The following MACF1 variants were observed in gnomAD, a reference collection of about 807,000 sequenced individuals.
MACF1 encodes the protein microtubule actin crosslinking factor 1, also known as microtubule-actin cross-linking factor 1.
In MACF1, 193 loss-of-function variants were observed where a neutral mutation model predicts 854.8. The ratio of observed to expected loss-of-function variants is 0.23; its 90% CI spans 0.20 to 0.25. The LOEUF (loss-of-function observed/expected upper bound fraction) is 0.25. Ranked by LOEUF, MACF1 falls within the 10% of genes least tolerant of loss-of-function variation. MACF1 has a pLI of 1.00. For synonymous variants in MACF1, 3,185 were observed against 3,226.7 expected (o/e 0.99, Z 0.44); for missense variants, 7,722 against 8,929.1 (o/e 0.86, Z 5.45).
intron 97 of MACF1, among the ~76,000 whole-genome samples, chr1:39,474,964 G>A (rs1364496189): frequency 6.6e-6 from 1 of 152,180 alleles, no homozygotes; most frequent in East Asian, 1.9e-4. Flanking sequence ...GTAGTCCCAT[G>A]GGACTGCAGC....
intron 6 of MACF1, among the ~76,000 whole-genome samples, chr1:39,273,122 T>C (rs1442603039): frequency 6.7e-6 from 1 of 148,846 alleles, no homozygotes; most frequent in Non-Finnish European, 1.5e-5. Flanking sequence ...AGCATTTACC[T>C]CTATACCAAT....
chr1:39,300,225 C>G lies in MACF1; in HGVS notation c.2497C>G (p.Leu833Val). 1 of 1,613,796 alleles carries G rather than the reference C, an allele frequency of 6.2e-7. No individual in the cohort carries two copies. The highest frequency in any genetic ancestry group is 8.5e-7 in the Non-Finnish European group (1 of 1,179,908). The part of the protein sequence containing the change: ...LQDSMDEKEQ[L>V]IQSKSSVASL... ...CATTTTGTAGGATGAAAAGGAGCAGCTTATACAGTCCAAGAGTTCCGTTGC... is the reference window on the plus strand; with the variant it reads ...CATTTTGTAGGATGAAAAGGAGCAGGTTATACAGTCCAAGAGTTCCGTTGC... Residue 833 changes from leucine (L) to valine (V), a missense_variant, in exon 22 of 101, where the codon CTT becomes GTT. Transcript: ENST00000564288.
Position 39,379,052 on chromosome 1 carries a change from A to T in MACF1, c.13277-151A>T, listed in dbSNP as rs114035651. 5.4e-3 allele frequency: 4,444 copies of T among 828,962 alleles called. 163 individuals carry two copies. The African/African-American group carries it at 0.07, about 13-fold the overall frequency. 51.4% of individuals were successfully genotyped at this position (828,962 alleles called of 1,614,324 possible). ...TAATGAGAATGCTTTTGTTTTGTGT[A>T]TATAAATGGGAACTTTTGTATGATT... On this transcript the variant is annotated intron_variant, in intron 53 of 100. Coordinates refer to ENST00000564288, the MANE Select transcript of MACF1 (RefSeq NM_001394062.1).
chr1:39,274,095 G>T (rs992112725), intron 6 of MACF1, among the ~76,000 whole-genome samples: 9 of 152,050 alleles, frequency 5.9e-5, no homozygotes, highest in African/African-American at 2.2e-4. Flanking sequence ...AACAAGATTA[G>T]CTATGAGTTG....
chr1:39,414,249 T>C (rs374620901), intron 58 of MACF1: 27 of 1,613,912 alleles, frequency 1.7e-5, no homozygotes, highest in Non-Finnish European at 2.1e-5. Context: ...CAGTGCCTCC[T>C]ATGGAGGAAG....
intron 23 of MACF1, chr1:39,304,719 A>G (rs193302075): frequency 2.8e-5 from 10 of 362,514 alleles, no homozygotes; most frequent in African/African-American, 4.3e-5. Context: ...GCCCGTCACC[A>G]TGCCCTGCTA....
intron 52 of MACF1, among the ~76,000 whole-genome samples, chr1:39,378,233 G>A (rs755520878): frequency 2.0e-5 from 3 of 152,184 alleles, no homozygotes; most frequent in African/African-American, 4.8e-5. Context: ...AAGGGAATAC[G>A]AATTTCCTCT....
intron 2 of MACF1, among the ~76,000 whole-genome samples, chr1:39,247,262 G>A (rs1245959011): frequency 5.9e-5 from 9 of 151,592 alleles, no homozygotes; most frequent in East Asian, 1.9e-4. Flanking sequence ...TAGTAGAGAC[G>A]GGGTTTCACT....
chr1:39,285,841 C>T (rs1645631536), intron 14 of MACF1, 83 bp downstream of exon 14: 2 of 1,488,550 alleles, frequency 1.3e-6, no homozygotes, highest in African/African-American at 2.8e-5. Context: ...GAGTCAGGCA[C>T]TTAATCTTTT....
Position 39,335,766 on chromosome 1 carries a change from G to T in MACF1, c.9178G>T (p.Ala3060Ser). ...PQGISVKHLD[A>S]LTLFSSKQAN... ...AGGAATTTCTGTAAAACATTTAGAT[G>T]CTTTAACACTCTTCAGCTCTAAACA... Residue 3060 changes from alanine (A) to serine (S), a missense_variant, in exon 37 of 101, where the codon GCT (alanine) becomes TCT (serine). This residue lies in a region of MACF1 where 854 missense variants were observed against 852.6 expected (regional missense o/e 1.00). Coordinates refer to ENST00000564288, the MANE Select transcript of MACF1 (RefSeq NM_001394062.1). The T allele has an allele frequency of 6.2e-7, 1 of 1,614,118 alleles. No homozygotes were observed. The highest frequency in any genetic ancestry group is 8.5e-7 in the Non-Finnish European group (1 of 1,180,010).
intron 58 of MACF1, among the ~76,000 whole-genome samples, chr1:39,398,875 G>A (rs1245059349): frequency 1.3e-5 from 2 of 152,102 alleles, no homozygotes; most frequent in East Asian, 1.9e-4. Flanking sequence ...GGTGTGTTAT[G>A]GAATGGCATC....
At chr1:39,447,187 A>G (rs1434623924) in intron 80 of MACF1, among the ~76,000 whole-genome samples, 1 of 152,188 alleles carries the variant, frequency 6.6e-6, no homozygotes, top group East Asian at 1.9e-4. Flanking sequence ...AGAGAAAGGA[A>G]CTTAGCTGCT....
At chr1:39,269,186 GGT>G in intron 6 of MACF1, 1 of 1,289,996 alleles carries the variant, frequency 7.8e-7, no homozygotes, top group South Asian at 1.2e-5. Flanking sequence ...TGAGCCAACT[GGT>G]GGAATTTCCT....
chr1:39,133,808 T>C (rs564865489), intron 2 of MACF1, among the ~76,000 whole-genome samples: 1 of 152,320 alleles, frequency 6.6e-6, no homozygotes, highest in Admixed American at 6.5e-5. Context: ...ATTCATTTTT[T>C]CTAGAGTTGC....
Position 39,486,456 on chromosome 1 carries a change from T to C in MACF1, c.*662T>C, listed in dbSNP as rs1177120335. 2 of 152,740 alleles carry C rather than the reference T, an allele frequency of 1.3e-5. No individual in the cohort carries two copies. The highest frequency in any genetic ancestry group is 3.8e-4 in the East Asian group (2 of 5,196). 9.5% of individuals were successfully genotyped at this position (152,740 alleles called of 1,614,324 possible). A position where few individuals can be genotyped will look rare whatever the true frequency, so the allele number is the denominator to read the frequency against. On this transcript the variant is annotated 3_prime_UTR_variant, in exon 101 of 101. Coordinates refer to ENST00000564288, the MANE Select transcript of MACF1 (RefSeq NM_001394062.1). ...ATAGCTGCTAGAATTCAGGGGTAAA[T>C]GTAAGTGTTCAGAAAACGTCAGAAC... is the stretch of plus-strand genomic sequence containing the variant.
chr1:39,314,569 TCACACACACA>T (rs58459573), intron 26 of MACF1, among the ~76,000 whole-genome samples: 5 of 65,356 alleles, frequency 7.7e-5, no homozygotes, highest in Admixed American at 1.8e-4. Flanking sequence ...TCTCTCTCTC[TCACACACACA>T]CACACACACA....
intron 23 of MACF1, among the ~76,000 whole-genome samples, chr1:39,308,322 T>G (rs1013189520): frequency 6.6e-6 from 1 of 152,188 alleles, no homozygotes; most frequent in East Asian, 1.9e-4. Context: ...CTATTTTTTT[T>G]GTTGTTGCTT....
chr1:39,380,387 A>G lies in MACF1; in HGVS notation c.13648+14A>G, dbSNP rs769590787. On this transcript the variant is annotated intron_variant, in intron 55 of 100. Coordinates refer to ENST00000564288, the MANE Select transcript of MACF1 (RefSeq NM_001394062.1). The stretch of plus-strand genomic sequence containing the variant: ...AGGAAGAACTCAGTAAGTTTTCACA[A>G]GAGTGTTACAAATTTGCTAAGTTAC... The G allele has an allele frequency of 4.4e-6, 7 of 1,608,016 alleles. No homozygotes were observed. The African/African-American group carries it at 9.4e-5, about 22-fold the overall frequency.
In MACF1 at chr1:39,459,125, T is replaced by G. The variant is rs1421608097; in HGVS notation, c.21236T>G (p.Ile7079Ser). 2.5e-6 allele frequency: 4 copies of G among 1,613,988 alleles called. No homozygotes were observed. Among genetic ancestry groups the G allele is most frequent in the Non-Finnish European group, 3.4e-6 (4 of 1,180,018 alleles). Residue 7079 changes from isoleucine (I) to serine (S), a missense_variant, in exon 91 of 101, where the codon ATC becomes AGC. Transcript: ENST00000564288. ...CAGCCAACCCCTCCTCCCATGCCAA[T>G]CCTTTCACAGTCTGAAGCAAAAAAC... ...LSQPTPPPMP[I>S]LSQSEAKNPR...
Sources: gnomAD v4.1 joint callset for allele counts (sites outside exome capture counted in the v4.1 genomes callset) on GRCh38, gnomAD v4.1.1 for gene constraint, gnomAD v4.1.1 regional missense constraint, MANE v1.5 for transcripts, NCBI Gene and HGNC (gene_info 2026-07-23, HGNC 2026-07-21) for gene names.